The following MYH6 variants were observed in gnomAD, a reference collection of about 807,000 sequenced individuals.
MYH6 encodes myosin-6.
In MYH6, 126 loss-of-function variants were observed where a neutral mutation model predicts 223.2. The observed-to-expected ratio is 0.56, with a 90% CI of 0.49 to 0.65. The LOEUF (loss-of-function observed/expected upper bound fraction) is 0.65. Ranked by LOEUF, MYH6 falls within the 30% of genes least tolerant of loss-of-function variation. The probability of loss-of-function intolerance (pLI) is 0.00; values close to 1 mark genes in which losing one functional copy is unlikely to be tolerated. For missense variants in MYH6, 2,040 were observed against 2,536.4 expected, an observed-to-expected ratio of 0.80 and a Z score of 4.20; for synonymous variants, 978 against 1,010.2, an observed-to-expected ratio of 0.97 and a Z score of 0.61.
In MYH6 at chr14:23,397,233, T is replaced by G; in HGVS notation, c.1987A>C (p.Asn663His). ...AAGTGAGGATGGGTGGTCCTCAGGT[T>G]GGTCATTAGCTTGTTGAGATTTTCC... ...HRENLNKLMT[N>H]LRTTHPHFVR... The change falls in exon 17 of 39, where the codon AAC becomes CAC. Residue 663 changes from asparagine (N) to histidine (H), a missense_variant. Coordinates refer to ENST00000405093, the MANE Select transcript of MYH6 (RefSeq NM_002471.4). The G allele has an allele frequency of 6.2e-7, 1 of 1,614,204 alleles. No individual in the cohort carries two copies. Among genetic ancestry groups the G allele is most frequent in the Non-Finnish European group, 8.5e-7 (1 of 1,180,028 alleles).
chr14:23,390,696 AT>A (rs1245595167), intron 25 of MYH6, among the ~76,000 whole-genome samples: 1 of 152,068 alleles, frequency 6.6e-6, no homozygotes, highest in African/African-American at 2.4e-5. Context: ...ATCAATAGGA[AT>A]TTGGCTGAAG....
In MYH6 at chr14:23,405,529, C is replaced by T. The variant is rs1891757357; in HGVS notation, c.345+98G>A. The T allele has an allele frequency of 6.2e-7, 1 of 1,600,466 alleles. No homozygotes were observed. Among genetic ancestry groups the T allele is most frequent in the Non-Finnish European group, 8.5e-7 (1 of 1,171,896 alleles). On this transcript the variant is annotated intron_variant, in intron 4 of 38. Coordinates refer to ENST00000405093, the MANE Select transcript of MYH6 (RefSeq NM_002471.4). This position sits in a 1 kb window ranked among gnomAD's most constrained non-coding sequence, Gnocchi z 4.7. ...GGAGGGGGGAAGGGGACTTGGGTCC[C>T]TTGGGAGTCTCTCCCCCTCTTCTTG...
intron 20 of MYH6, 146 bp downstream of exon 20, chr14:23,396,138 G>T (rs929823713): frequency 1.8e-5 from 16 of 880,862 alleles, no homozygotes; most frequent in Non-Finnish European, 2.5e-5. Flanking sequence ...AGAAGAAGAA[G>T]AATTTGCAAT....
chr14:23,388,390 G>T, intron 29 of MYH6, 52 bp from the exon 30 acceptor site: 1 of 1,606,942 alleles, frequency 6.2e-7, no homozygotes, highest in Non-Finnish European at 8.5e-7. Context: ...GGCAACACTG[G>T]AGCCTTGGGT....
chr14:23,402,841 C>T (rs758503629), intron 10 of MYH6, 41 bp from the exon 11 acceptor site: 36 of 806,368 alleles, frequency 4.5e-5, no homozygotes, highest in Admixed American at 2.3e-4. Context: ...AGGGGGCAGG[C>T]GGAGGGCAGG....
At chr14:23,391,773 C>T (rs1325626784) in intron 25 of MYH6, among the ~76,000 whole-genome samples, 1 of 152,162 alleles carries the variant, frequency 6.6e-6, no homozygotes, top group Non-Finnish European at 1.5e-5. Context: ...TCTCTTCTGA[C>T]AAACCCGATA....
At chr14:23,406,347 A>G (rs1891786782) in intron 3 of MYH6, among the ~76,000 whole-genome samples, 1 of 152,216 alleles carries the variant, frequency 6.6e-6, no homozygotes, top group South Asian at 2.1e-4. Flanking sequence ...CCGTGGCTCT[A>G]AATGACTAAA....
At chr14:23,394,960 G>C (rs1424317002) in intron 20 of MYH6, among the ~76,000 whole-genome samples, 2 of 152,222 alleles carry the variant, frequency 1.3e-5, no homozygotes. Flanking sequence ...CTGCCACCCG[G>C]ATTCAAGCGA....
chr14:23,404,689 G>C (rs533791846), intron 7 of MYH6, 22 bp downstream of exon 7: 2 of 1,608,300 alleles, frequency 1.2e-6, no homozygotes, highest in Admixed American at 1.7e-5. Flanking sequence ...CTGTTCTGCC[G>C]AGCCTGTGTC....
In MYH6 at chr14:23,387,642, C is replaced by G. The variant is rs2138587225; in HGVS notation, c.4537G>C (p.Asp1513His). The G allele has an allele frequency of 1.9e-6, 3 of 1,614,068 alleles. No homozygotes were observed. The highest frequency in any genetic ancestry group is 1.6e-4 in the Middle Eastern group (1 of 6,062). The change falls in exon 32 of 39, where the codon GAC (aspartate) becomes CAC (histidine). Residue 1513 changes from aspartate (D) to histidine (H), a missense_variant. Around this residue, in one of 4 missense-constraint regions of MYH6, gnomAD observed 1,203 missense variants for 1,400.2 expected, o/e 0.86. Coordinates refer to ENST00000405093, the MANE Select transcript of MYH6 (RefSeq NM_002471.4). ...ENKNLQEEISDLTEQLGEGGK... is the reference protein window; with the variant it reads ...ENKNLQEEISHLTEQLGEGGK... The stretch of plus-strand genomic sequence containing the variant: ...CCTTCTCCTAGCTGCTCAGTAAGGT[C>G]CGAGATTTCCTCTGGGGACCAGAGG...
intron 6 of MYH6, 38 bp from the exon 7 acceptor site, chr14:23,404,860 T>C (rs1891732252): frequency 3.1e-6 from 5 of 1,587,856 alleles, no homozygotes; most frequent in Non-Finnish European, 4.3e-6. Flanking sequence ...TCAGGATTCC[T>C]ACTGTTCTCC....
chr14:23,393,101 TC>T (rs767579599), intron 23 of MYH6, 44 bp from the exon 24 acceptor site: 1 of 1,613,010 alleles, frequency 6.2e-7, no homozygotes, highest in South Asian at 1.1e-5. Flanking sequence ...AAACATGAAA[TC>T]CATAGTGTAT....
rs544624250 is a variant in MYH6, at chr14:23,386,506, G to A, written c.4768C>T (p.Arg1590Cys). ...EKDEEMEQAK[R>C]NHQRVVDSLQ... ...GAGTCCACCACCCGCTGGTGGTTGC[G>A]CTTGGCCTGTTCCATCTCCTCGTCC... The change falls in exon 33 of 39, where the codon CGC becomes TGC. Residue 1590 changes from arginine to cysteine, a missense_variant. Physicochemically the swap from Arg to Cys is radical, Grantham distance 180 (BLOSUM62 -3). Coordinates refer to ENST00000405093, the MANE Select transcript of MYH6 (RefSeq NM_002471.4). 5.0e-6 allele frequency: 8 copies of A among 1,614,024 alleles called. No individual in the cohort carries two copies. The highest frequency in any genetic ancestry group is 2.2e-5 in the South Asian group (2 of 91,086).
intron 1 of MYH6, 44 bp downstream of exon 1, chr14:23,408,209 C>T (rs959996438): frequency 4.1e-6 from 4 of 985,108 alleles, no homozygotes; most frequent in Non-Finnish European, 4.8e-6. Flanking sequence ...GGTGGGGGCT[C>T]TGTGGACGGG....
intron 34 of MYH6, among the ~76,000 whole-genome samples, chr14:23,385,409 G>T (rs761621075): frequency 6.7e-6 from 1 of 150,280 alleles, no homozygotes; most frequent in Non-Finnish European, 1.5e-5. Flanking sequence ...AATGTAGTGG[G>T]GTAAGGAAGA....
intron 25 of MYH6, among the ~76,000 whole-genome samples, chr14:23,392,300 G>C (rs1026777355): frequency 1.3e-5 from 2 of 152,020 alleles, no homozygotes; most frequent in Non-Finnish European, 2.9e-5. Flanking sequence ...AGAGTAGAAA[G>C]TCCCTGAGGC....
intron 20 of MYH6, 55 bp downstream of exon 20, chr14:23,396,229 T>C (rs766341923): frequency 3.7e-6 from 6 of 1,612,244 alleles, no homozygotes; most frequent in Non-Finnish European, 5.1e-6. Context: ...CTAGTTGACA[T>C]TGCGGATCTG....
intron 23 of MYH6, 121 bp downstream of exon 23, chr14:23,393,221 C>G: frequency 5.4e-6 from 8 of 1,494,796 alleles, no homozygotes; most frequent in Non-Finnish European, 7.4e-6. Context: ...TGAGGAACTA[C>G]AGAGAGCAAA....
At chr14:23,383,096 G>T in intron 37 of MYH6, 129 bp downstream of exon 37, 2 of 868,328 alleles carry the variant, frequency 2.3e-6, no homozygotes, top group Non-Finnish European at 3.8e-6. Context: ...TACCAGATGT[G>T]TCAAACAAAT....
Sources: gnomAD v4.1 joint callset for allele counts (sites outside exome capture counted in the v4.1 genomes callset) on GRCh38, gnomAD v4.1.1 for gene constraint, gnomAD v4.1.1 regional missense constraint, Gnocchi (gnomAD v3.1) non-coding constraint, MANE v1.5 for transcripts, NCBI Gene and HGNC (gene_info 2026-07-23, HGNC 2026-07-21) for gene names.